The following DOC2A variants were observed in gnomAD, a reference collection of about 807,000 sequenced individuals.
DOC2A encodes the protein double C2-like domain-containing protein alpha.
DOC2A carries 28 observed loss-of-function variants against 40.6 expected under a neutral mutation model. The ratio of observed to expected loss-of-function variants is 0.69; its 90% CI spans 0.51 to 0.95. The LOEUF (loss-of-function observed/expected upper bound fraction) is 0.95, where lower values mean the gene tolerates loss of function less well. Ranked by LOEUF, DOC2A falls within the 40% of genes least tolerant of loss-of-function variation. The probability of loss-of-function intolerance (pLI) is 0.00; values close to 1 mark genes in which losing one functional copy is unlikely to be tolerated. For missense variants in DOC2A, 474 were observed against 552.5 expected (o/e 0.86, Z 1.42); for synonymous variants, 241 against 236.9 (o/e 1.02, Z -0.16).
rs756614880 is a variant in DOC2A, at chr16:30,010,180, C to T, written c.43G>A (p.Glu15Lys). ...RGDRMTINIQ[E>K]HMAINVCPGP... ...GGGCACACGTTGATGGCCATGTGCT[C>T]CTGGATGTTGATGGTCATGCGATCG... is the stretch of plus-strand genomic sequence containing the variant. Residue 15 changes from glutamate to lysine, a missense_variant, in exon 2 of 11, where the codon GAG (glutamate) becomes AAG (lysine). Coordinates refer to ENST00000350119, the MANE Select transcript of DOC2A (RefSeq NM_003586.3). This position sits in a 1 kb window ranked among gnomAD's most constrained non-coding sequence, Gnocchi z 4.2. 5 of 1,614,046 alleles carry T rather than the reference C, an allele frequency of 3.1e-6. No individual in the cohort carries two copies. Among genetic ancestry groups the T allele is most frequent in the Non-Finnish European group, 4.2e-6 (5 of 1,179,974 alleles).
Position 30,005,924 on chromosome 16 carries a change from G to T in DOC2A, c.*262C>A. The T allele has an allele frequency of 1.8e-6, 1 of 554,542 alleles. No homozygotes were observed. Among genetic ancestry groups the T allele is most frequent in the Non-Finnish European group, 3.2e-6 (1 of 313,488 alleles). 34.4% of individuals were successfully genotyped at this position (554,542 alleles called of 1,614,324 possible). ...GTGAGGAGCGCGGGGGCCTGGGGCC[G>T]GGCTCTGAGCACTGCCCGGGTGTGC... is the stretch of plus-strand genomic sequence containing the variant. On this transcript the variant is annotated 3_prime_UTR_variant, in exon 11 of 11. Transcript: ENST00000350119.
intron 5 of DOC2A, 200 bp downstream of exon 5, chr16:30,008,796 A>C: frequency 1.7e-6 from 1 of 575,598 alleles, no homozygotes; most frequent in Non-Finnish European, 3.2e-6. Flanking sequence ...GTGAGCCACC[A>C]CACCTGGCAG....
chr16:30,016,056 T>TATATATATATATATATATA (rs1491508395), upstream of DOC2A, among the ~76,000 whole-genome samples: 1 of 12,644 alleles, frequency 7.9e-5, no homozygotes, highest in African/African-American at 3.4e-4. Flanking sequence ...TATATATATA[T>TATATATATATATATATATA]TTTTTTTTTT....
At chr16:30,018,967 G>A (rs1236242917) in intron 1 of DOC2A, 1 of 152,278 alleles carries the variant, frequency 6.6e-6, no homozygotes, top group Non-Finnish European at 1.5e-5. Context: ...GAGCTCTTTT[G>A]TGGACTTGAT....
chr16:30,006,569 C>T lies in DOC2A; in HGVS notation c.960+27G>A, dbSNP rs773051043. The T allele has an allele frequency of 1.2e-6, 2 of 1,613,740 alleles. No homozygotes were observed. Among genetic ancestry groups the T allele is most frequent in the Non-Finnish European group, 1.7e-6 (2 of 1,179,804 alleles). ...GCTCCCCAGCCCCTCCCTGGCCTCCCTCCATGTCCCGTCCCCTCCTGGGTA... is the reference window on the plus strand; with the variant it reads ...GCTCCCCAGCCCCTCCCTGGCCTCCTTCCATGTCCCGTCCCCTCCTGGGTA... On this transcript the variant is annotated intron_variant, in intron 9 of 10. Coordinates refer to ENST00000350119, the MANE Select transcript of DOC2A (RefSeq NM_003586.3). This position sits in a 1 kb window ranked among gnomAD's most constrained non-coding sequence, Gnocchi z 6.2.
Position 30,010,504 on chromosome 16 carries a change from C to G in DOC2A, c.-13-269G>C. The G allele has an allele frequency of 1.8e-6, 1 of 552,886 alleles. No individual in the cohort carries two copies. Among genetic ancestry groups the G allele is most frequent in the Non-Finnish European group, 3.3e-6 (1 of 305,874 alleles). The allele number at this position is 552,886 out of a possible 1,614,324, so 34.2% of individuals were successfully genotyped here. A position where few individuals can be genotyped will look rare whatever the true frequency, so the allele number is the denominator to read the frequency against. On this transcript the variant is annotated intron_variant, in intron 1 of 10. Coordinates refer to ENST00000350119, the MANE Select transcript of DOC2A (RefSeq NM_003586.3). This position sits in a 1 kb window ranked among gnomAD's most constrained non-coding sequence, Gnocchi z 4.2. ...CTCACCCACCCACTTCTAGGTTGTC[C>G]CTGTATCATCTTGCCAGCTCCTTCC... is the stretch of plus-strand genomic sequence containing the variant.
chr16:30,015,979 T>C (rs2070849677), upstream of DOC2A, among the ~76,000 whole-genome samples: 1 of 140,730 alleles, frequency 7.1e-6, no homozygotes, highest in African/African-American at 2.7e-5. Context: ...CCCAAAGTGC[T>C]GGGATTACAG....
upstream of DOC2A, chr16:30,023,213 C>G: frequency 1.3e-6 from 1 of 777,290 alleles, no homozygotes; most frequent in African/African-American, 1.7e-5. Flanking sequence ...TTCTCCTCTC[C>G]TCTTCTGATG....
At position 30,006,398 on chromosome 16, in the gene DOC2A, C is replaced by G. The variant is rs1567277447; in HGVS notation, c.1057+15G>C. On this transcript the variant is annotated intron_variant, in intron 10 of 10. Coordinates refer to ENST00000350119, the MANE Select transcript of DOC2A (RefSeq NM_003586.3). This position sits in a 1 kb window ranked among gnomAD's most constrained non-coding sequence, Gnocchi z 6.2. ...CTTGCCCGCCCTCAACACCCGCAGC[C>G]AGCTCCTCCCTCACCAATGAAGTCA... The G allele has an allele frequency of 2.5e-6, 4 of 1,613,750 alleles. No individual in the cohort carries two copies. Among genetic ancestry groups the G allele is most frequent in the Non-Finnish European group, 3.4e-6 (4 of 1,179,930 alleles).
rs2070734129 is a variant in DOC2A, at chr16:30,010,062, G to A, written c.161C>T (p.Ala54Val). The A allele has an allele frequency of 1.2e-6, 2 of 1,611,312 alleles. No individual in the cohort carries two copies. The highest frequency in any genetic ancestry group is 2.2e-5 in the East Asian group (1 of 44,856). The change falls in exon 2 of 11, where the codon GCC becomes GTC. Residue 54 changes from alanine (A) to valine (V), a missense_variant. Transcript: ENST00000350119. This position sits in a 1 kb window ranked among gnomAD's most constrained non-coding sequence, Gnocchi z 4.2. Reference protein sequence around the residue: ...GGGGGGGEAPAHLVPLALAPP... With the variant: ...GGGGGGGEAPVHLVPLALAPP... ...GGCCAGAGCCAGGGGGACCAGATGG[G>A]CGGGGGCCTCCCCGCCGCCCCCGCC...
chr16:30,020,519 C>T (rs2070897070), intron 1 of DOC2A, among the ~76,000 whole-genome samples: 1 of 151,802 alleles, frequency 6.6e-6, no homozygotes, highest in African/African-American at 2.4e-5. Flanking sequence ...CCAGCCTGGG[C>T]AACATAGCAA....
chr16:30,010,001 C>A lies in DOC2A; in HGVS notation c.222G>T (p.Glu74Asp), dbSNP rs750254693. 1 of 1,612,156 alleles carries A rather than the reference C, an allele frequency of 6.2e-7. No homozygotes were observed. The highest frequency in any genetic ancestry group is 8.5e-7 in the Non-Finnish European group (1 of 1,179,868). Residue 74 changes from glutamate (E) to aspartate (D), a missense_variant, in exon 2 of 11, where the codon GAG (glutamate) becomes GAT (aspartate). Transcript: ENST00000350119. The surrounding 1 kb of genome is among the most constrained non-coding windows in gnomAD (Gnocchi z 4.2). ...CATAGCTGTCCACCTCCGCACCATC[C>A]TCAGGCGTGGTGGCCCCAAGGAGGG... The part of the protein sequence containing the change: ...PAALLGATTP[E>D]DGAEVDSYDS...
rs140407692 is a variant in DOC2A, at chr16:30,010,134, C to T, written c.89G>A (p.Arg30His). 33 of 1,613,800 alleles carry T rather than the reference C, an allele frequency of 2.0e-5. No individual in the cohort carries two copies. The highest frequency in any genetic ancestry group is 5.3e-5 in the African/African-American group (4 of 75,046). The change falls in exon 2 of 11, where the codon CGC becomes CAC. Residue 30 changes from arginine to histidine, a missense_variant. Arg to His is a conservative substitution (Grantham distance 29). Transcript: ENST00000350119. The surrounding 1 kb of genome is among the most constrained non-coding windows in gnomAD (Gnocchi z 4.2). Reference sequence around the variant, plus strand: ...CCGGGGGAAGTAGTCAGAGATCTGGCGGATGGGCCGGATGGGCCCGGGGCA... The same window carrying T: ...CCGGGGGAAGTAGTCAGAGATCTGGTGGATGGGCCGGATGGGCCCGGGGCA... The part of the protein sequence containing the change: ...NVCPGPIRPI[R>H]QISDYFPRGP...
In DOC2A at chr16:30,006,626, C is replaced by T; in HGVS notation, c.930G>A (p.Lys310=). ...DKKSKHKTCV[K]KKTLNPEFNE... ...TAAATTCTGGGTTGAGAGTCTTCTTCTTCACACACGTCTTATGCTTGGATT... is the reference window on the plus strand; with the variant it reads ...TAAATTCTGGGTTGAGAGTCTTCTTTTTCACACACGTCTTATGCTTGGATT... Residue 310 remains lysine (K), a synonymous_variant, in exon 9 of 11, where the codon AAG becomes AAA. Transcript: ENST00000350119. This position sits in a 1 kb window ranked among gnomAD's most constrained non-coding sequence, Gnocchi z 6.2. 4 of 1,613,830 alleles carry T rather than the reference C, an allele frequency of 2.5e-6. No individual in the cohort carries two copies. Among genetic ancestry groups the T allele is most frequent in the Non-Finnish European group, 3.4e-6 (4 of 1,179,982 alleles).
In DOC2A at chr16:30,010,071, T is replaced by G. The variant is rs1043130237; in HGVS notation, c.152A>C (p.Glu51Ala). ...CAGGGGGACCAGATGGGCGGGGGCC[T>G]CCCCGCCGCCCCCGCCGCCCCCTTC... ...GPEGGGGGGG[E>A]APAHLVPLAL... The change falls in exon 2 of 11, where the codon GAG becomes GCG. Residue 51 changes from glutamate to alanine, a missense_variant. Coordinates refer to ENST00000350119, the MANE Select transcript of DOC2A (RefSeq NM_003586.3). This position sits in a 1 kb window ranked among gnomAD's most constrained non-coding sequence, Gnocchi z 4.2. The G allele has an allele frequency of 6.3e-7, 1 of 1,594,070 alleles. No individual in the cohort carries two copies. Among genetic ancestry groups the G allele is most frequent in the Non-Finnish European group, 8.5e-7 (1 of 1,170,260 alleles).
rs201364446 is a variant in DOC2A at position 30,009,118 on chromosome 16, G to A, written c.418-13C>T. 1.9e-6 allele frequency: 3 copies of A among 1,597,342 alleles called. No homozygotes were observed. The highest frequency in any genetic ancestry group is 8.6e-7 in the Non-Finnish European group (1 of 1,168,738). ...TTAGCTTATTGGCCTGGGATGTGGG[G>A]ATGAAAGGTTCTCAATACCTGTCCT... On this transcript the variant is annotated splice_polypyrimidine_tract_variant and intron_variant, in intron 4 of 10. Transcript: ENST00000350119. The surrounding 1 kb of genome is among the most constrained non-coding windows in gnomAD (Gnocchi z 4.1).
At chr16:30,015,619 A>T (rs2070846464), upstream of DOC2A, among the ~76,000 whole-genome samples, 1 of 149,726 alleles carries the variant, frequency 6.7e-6, no homozygotes, top group Non-Finnish European at 1.5e-5. Context: ...GCCTGGCCAA[A>T]TTTTGGTCTT....
upstream of DOC2A, among the ~76,000 whole-genome samples, chr16:30,021,851 G>C (rs1198959549): frequency 1.3e-5 from 2 of 151,950 alleles, no homozygotes; most frequent in Non-Finnish European, 2.9e-5. Context: ...TAGGATGCAA[G>C]GGGGAGCCTC....
In DOC2A at chr16:30,006,015, T is replaced by C; in HGVS notation, c.*171A>G. 1 of 726,458 alleles carries C rather than the reference T, an allele frequency of 1.4e-6. No homozygotes were observed. The highest frequency in any genetic ancestry group is 2.2e-6 in the Non-Finnish European group (1 of 451,824). 45.0% of individuals were successfully genotyped at this position (726,458 alleles called of 1,614,324 possible). On this transcript the variant is annotated 3_prime_UTR_variant, in exon 11 of 11. Transcript: ENST00000350119. The surrounding 1 kb of genome is among the most constrained non-coding windows in gnomAD (Gnocchi z 6.2). The stretch of plus-strand genomic sequence containing the variant: ...CAGGCAGGAGGTTTGCATATGTGAA[T>C]ATAGAACTCCGCAGCCCCTCATGAG...
Sources: gnomAD v4.1 joint callset for allele counts (sites outside exome capture counted in the v4.1 genomes callset) on GRCh38, gnomAD v4.1.1 for gene constraint, Gnocchi (gnomAD v3.1) non-coding constraint, MANE v1.5 for transcripts, NCBI Gene and HGNC (gene_info 2026-07-23, HGNC 2026-07-21) for gene names.